MAF: variants seen among roughly 807,000 people sequenced by gnomAD.
The protein encoded by MAF is transcription factor Maf.
MAF carries 10 observed loss-of-function variants against 22.0 expected under a neutral mutation model. The observed-to-expected ratio is 0.45, with a 90% CI of 0.28 to 0.77. The LOEUF is 0.77. MAF is among the 30% of genes least tolerant of loss of function. The pLI, the probability that MAF is intolerant of heterozygous loss-of-function variation, is 0.12. For synonymous variants in MAF, 337 were observed against 255.8 expected (o/e 1.32, Z -3.03); for missense variants, 544 against 548.4 (o/e 0.99, Z 0.08).
the MAF span, among the ~76,000 whole-genome samples, chr16:79,219,345 C>T: frequency 2.2e-4 from 34 of 152,058 alleles, no homozygotes; most frequent in African/African-American, 8.0e-4. Flanking sequence ...CTTACCAAAA[C>T]GCCTATCTGA....
the MAF span, among the ~76,000 whole-genome samples, chr16:79,525,448 T>G: frequency 6.6e-6 from 1 of 152,208 alleles, no homozygotes; most frequent in East Asian, 1.9e-4. Context: ...TTGAACTTTT[T>G]TTCTAATTCT....
At chr16:79,376,385 A>AT in the MAF span, among the ~76,000 whole-genome samples, 1 of 151,824 alleles carries the variant, frequency 6.6e-6, no homozygotes, top group Non-Finnish European at 1.5e-5. Flanking sequence ...AATTTTATGT[A>AT]TTTTTTCATT....
At chr16:79,338,792 C>A in the MAF span, among the ~76,000 whole-genome samples, 10 of 152,234 alleles carry the variant, frequency 6.6e-5, no homozygotes, top group East Asian at 1.7e-3. Context: ...CCCATCCGAG[C>A]CTCAGTTTTC....
the MAF span, among the ~76,000 whole-genome samples, chr16:79,408,078 CAAAAAAAAAA>C: frequency 1.2e-5 from 1 of 81,556 alleles, no homozygotes; most frequent in African/African-American, 5.0e-5. Context: ...TTTTACCTTT[CAAAAAAAAAA>C]AAAAAAAAAA....
chr16:79,387,005 C>T, the MAF span, among the ~76,000 whole-genome samples: 1 of 152,308 alleles, frequency 6.6e-6, no homozygotes, highest in Admixed American at 6.5e-5. Flanking sequence ...TTTAACTATA[C>T]CCCAAGGCTT....
chr16:79,587,369 T>A (rs901908087), intron 1 of MAF, among the ~76,000 whole-genome samples: 4 of 152,068 alleles, frequency 2.6e-5, no homozygotes, highest in Admixed American at 2.6e-4. Flanking sequence ...TATCAGTTGT[T>A]CTCCATTTGA....
chr16:79,207,971 G>A, the MAF span, among the ~76,000 whole-genome samples: 3 of 152,120 alleles, frequency 2.0e-5, no homozygotes, highest in African/African-American at 4.8e-5. Context: ...TGGAAGGATG[G>A]ATAATTTAGA....
the MAF span, among the ~76,000 whole-genome samples, chr16:79,414,024 T>A: frequency 1.3e-5 from 2 of 152,206 alleles, no homozygotes; most frequent in African/African-American, 4.8e-5. Flanking sequence ...AGCTCACAAA[T>A]CCATCCTTCC....
At chr16:79,364,701 G>A in the MAF span, among the ~76,000 whole-genome samples, 2 of 152,182 alleles carry the variant, frequency 1.3e-5, no homozygotes, top group Non-Finnish European at 2.9e-5. Flanking sequence ...GCATTCATAT[G>A]ATTTTGATAG....
the MAF span, among the ~76,000 whole-genome samples, chr16:79,484,650 AC>A: frequency 6.6e-6 from 1 of 151,924 alleles, no homozygotes; most frequent in African/African-American, 2.4e-5. Flanking sequence ...GAGTTATGAT[AC>A]CCCTCGTTGG....
chr16:79,210,019 G>A, the MAF span, among the ~76,000 whole-genome samples: 2 of 152,200 alleles, frequency 1.3e-5, no homozygotes, highest in South Asian at 2.1e-4. Flanking sequence ...TAACAAACCA[G>A]CTACTATTAA....
chr16:79,271,959 G>C, the MAF span, among the ~76,000 whole-genome samples: 1 of 152,196 alleles, frequency 6.6e-6, no homozygotes, highest in South Asian at 2.1e-4. Context: ...CAGGATATGG[G>C]ATCCAAGAGG....
the MAF span, among the ~76,000 whole-genome samples, chr16:79,447,891 CAAA>C: frequency 1.4e-5 from 1 of 72,638 alleles, no homozygotes; most frequent in African/African-American, 7.6e-5. Context: ...GATTCCATCT[CAAA>C]AAAAAAAAAA....
the MAF span, among the ~76,000 whole-genome samples, chr16:79,320,844 C>A: frequency 6.6e-6 from 1 of 152,182 alleles, no homozygotes; most frequent in Non-Finnish European, 1.5e-5. Flanking sequence ...TTGATTATCT[C>A]ATTGAATCCT....
chr16:79,449,624 G>A, the MAF span, among the ~76,000 whole-genome samples: 2 of 152,178 alleles, frequency 1.3e-5, no homozygotes, highest in Admixed American at 6.5e-5. Flanking sequence ...CAGGACAGAG[G>A]CAGGGTCAGG....
the MAF span, among the ~76,000 whole-genome samples, chr16:79,554,407 C>T: frequency 1.3e-5 from 2 of 152,138 alleles, no homozygotes; most frequent in African/African-American, 4.8e-5. Context: ...ACGTGGGCTA[C>T]ATCAGAGATG....
At chr16:79,502,719 AT>A in the MAF span, among the ~76,000 whole-genome samples, 1 of 22,410 alleles carries the variant, frequency 4.5e-5, no homozygotes, top group African/African-American at 1.2e-4. Flanking sequence ...ATATATATAT[AT>A]ATATATATAT....
the MAF span, among the ~76,000 whole-genome samples, chr16:79,445,868 A>T: frequency 6.6e-6 from 1 of 152,194 alleles, no homozygotes; most frequent in Non-Finnish European, 1.5e-5. Context: ...GCCTGATAAG[A>T]CACTAATGCA....
At chr16:79,272,962 A>G in the MAF span, among the ~76,000 whole-genome samples, 1 of 152,318 alleles carries the variant, frequency 6.6e-6, no homozygotes, top group East Asian at 1.9e-4. Context: ...TCTGCATTTC[A>G]TGTAATCCAA....
Sources: gnomAD v4.1 joint callset for allele counts (sites outside exome capture counted in the v4.1 genomes callset) on GRCh38, gnomAD v4.1.1 for gene constraint, MANE v1.5 for transcripts, NCBI Gene and HGNC (gene_info 2026-07-23, HGNC 2026-07-21) for gene names.